Variants in NRXN3 observed in about 807,000 individuals in gnomAD.
NRXN3 encodes neurexin 3, also known as neurexin III.
In NRXN3, 32 loss-of-function variants were observed where a neutral mutation model predicts 137.6. That is an observed-to-expected ratio of 0.23 (90% CI 0.18 to 0.31). The LOEUF (loss-of-function observed/expected upper bound fraction) is 0.31, where lower values mean the gene tolerates loss of function less well. Among genes scored for constraint, NRXN3 ranks in the 10% least tolerant of loss-of-function variants. The probability of loss-of-function intolerance (pLI) is 1.00; values close to 1 mark genes in which losing one functional copy is unlikely to be tolerated. For missense variants in NRXN3, 1,574 were observed against 2,062.5 expected (o/e 0.76, Z 4.59); for synonymous variants, 798 against 784.5 (o/e 1.02, Z -0.29).
chr14:78,928,759 C>T (rs1418521056), intron 10 of NRXN3, among the ~76,000 whole-genome samples: 1 of 152,130 alleles, frequency 6.6e-6, no homozygotes, highest in Non-Finnish European at 1.5e-5. Context: ...CCTCAATAAA[C>T]ATACGTGTGC....
intron 15 of NRXN3, among the ~76,000 whole-genome samples, chr14:79,311,587 T>C (rs2087309900): frequency 8.1e-6 from 1 of 122,840 alleles, no homozygotes; most frequent in African/African-American, 3.0e-5. Flanking sequence ...GTTGGTAAAC[T>C]ATTGATTATT....
At position 79,710,932 on chromosome 14, in the gene NRXN3, C is replaced by A. The variant is rs146252522; in HGVS notation, c.4014+12995C>A. Among the ~76,000 whole-genome samples, 32 of 152,286 alleles carry A rather than the reference C, an allele frequency of 2.1e-4. No homozygotes were observed. In the East Asian group the frequency reaches 5.2e-3, roughly 25 times the overall value. ...TTCTTAAATATTTTCAGACTACAAG[C>A]GGACTCACTTGCAGCCCAGTTTTTT... On this transcript the variant is annotated intron_variant, in intron 19 of 20. Coordinates refer to ENST00000335750, the MANE Select transcript of NRXN3 (RefSeq NM_001330195.2).
chr14:78,354,087 A>G (rs547640276), intron 4 of NRXN3, among the ~76,000 whole-genome samples: 44 of 152,344 alleles, frequency 2.9e-4, no homozygotes, highest in African/African-American at 9.9e-4. Context: ...GCCGTCTAAT[A>G]GATTTGCCCA....
intron 8 of NRXN3, among the ~76,000 whole-genome samples, chr14:78,770,949 G>C (rs1208653349): frequency 6.6e-6 from 1 of 152,168 alleles, no homozygotes. Flanking sequence ...GAGGTAACAC[G>C]TATGAAAGGA....
At chr14:79,161,179 G>T (rs1362443381) in intron 15 of NRXN3, among the ~76,000 whole-genome samples, 1 of 151,826 alleles carries the variant, frequency 6.6e-6, no homozygotes, top group Non-Finnish European at 1.5e-5. Context: ...ACCATAATTT[G>T]CCTTGAAGGT....
intron 15 of NRXN3, among the ~76,000 whole-genome samples, chr14:78,994,146 G>C (rs143176756): frequency 2.0e-3 from 302 of 152,052 alleles, no homozygotes; most frequent in Non-Finnish European, 3.4e-3. Flanking sequence ...GAGCCACTGC[G>C]CCTGGCTGCC....
chr14:79,141,705 G>T (rs2058801281), intron 15 of NRXN3, among the ~76,000 whole-genome samples: 1 of 152,186 alleles, frequency 6.6e-6, no homozygotes, highest in Non-Finnish European at 1.5e-5. Context: ...AAATAAAGGA[G>T]ATACCACTTC....
intron 15 of NRXN3, among the ~76,000 whole-genome samples, chr14:79,130,780 A>G (rs1447636811): frequency 6.6e-6 from 1 of 152,130 alleles, no homozygotes; most frequent in East Asian, 1.9e-4. Flanking sequence ...GTGTTTTCCA[A>G]CTTGGTTCCA....
intron 9 of NRXN3, among the ~76,000 whole-genome samples, chr14:78,809,728 G>A (rs771994883): frequency 5.5e-4 from 84 of 152,260 alleles, no homozygotes; most frequent in Non-Finnish European, 9.4e-4. Flanking sequence ...GGAGAGGGTG[G>A]AGGGAGTTTG....
intron 9 of NRXN3, among the ~76,000 whole-genome samples, chr14:78,807,511 G>A (rs564313682): frequency 9.9e-5 from 15 of 152,062 alleles, no homozygotes; most frequent in African/African-American, 2.9e-4. Flanking sequence ...TTGGGAGGCC[G>A]AGGCAGCCCA....
At chr14:79,526,402 C>G (rs1257326175) in intron 16 of NRXN3, among the ~76,000 whole-genome samples, 1 of 152,064 alleles carries the variant, frequency 6.6e-6, no homozygotes, top group African/African-American at 2.4e-5. Context: ...GATATATTGC[C>G]CAGCCTGGTC....
At chr14:79,368,625 C>T (rs2093983509) in intron 15 of NRXN3, among the ~76,000 whole-genome samples, 2 of 152,092 alleles carry the variant, frequency 1.3e-5, no homozygotes, top group South Asian at 4.1e-4. Flanking sequence ...TGTACTCTAC[C>T]TCTGCCACCT....
chr14:79,026,134 C>G (rs2099597642), intron 15 of NRXN3, among the ~76,000 whole-genome samples: 1 of 152,058 alleles, frequency 6.6e-6, no homozygotes, highest in Non-Finnish European at 1.5e-5. Context: ...TGCTCAAGAA[C>G]TGATCTTAAG....
At chr14:79,852,648 T>C (rs924970940) in intron 20 of NRXN3, among the ~76,000 whole-genome samples, 1 of 141,302 alleles carries the variant, frequency 7.1e-6, no homozygotes, top group Non-Finnish European at 1.6e-5. Flanking sequence ...TTAAAGAAAA[T>C]GCACAATCTG....
intron 15 of NRXN3, among the ~76,000 whole-genome samples, chr14:79,119,827 A>G (rs1435996406): frequency 6.6e-6 from 1 of 152,154 alleles, no homozygotes; most frequent in Non-Finnish European, 1.5e-5. Context: ...CAATAGTAAC[A>G]TGGCCATGCC....
chr14:79,592,009 C>T (rs1272920303), intron 16 of NRXN3, among the ~76,000 whole-genome samples: 2 of 152,132 alleles, frequency 1.3e-5, no homozygotes, highest in African/African-American at 2.4e-5. Flanking sequence ...TTGTGGACTC[C>T]ATCCACATCC....
intron 8 of NRXN3, among the ~76,000 whole-genome samples, chr14:78,759,404 A>G (rs1372682239): frequency 6.6e-6 from 1 of 152,210 alleles, no homozygotes; most frequent in East Asian, 1.9e-4. Flanking sequence ...ATTTTTGCAA[A>G]TGAGGACACT....
At chr14:79,067,909 A>C (rs4903820) in intron 15 of NRXN3, among the ~76,000 whole-genome samples, 89,628 of 151,838 alleles carry the variant, frequency 0.59, 27,173 homozygotes, top group East Asian at 0.81. Context: ...AGACTTGATA[A>C]TTGTAGCTCT....
chr14:79,033,925 T>C (rs2099611802), intron 15 of NRXN3, among the ~76,000 whole-genome samples: 1 of 152,146 alleles, frequency 6.6e-6, no homozygotes, highest in South Asian at 2.1e-4. Flanking sequence ...TATTAGAACC[T>C]GTCTCCATAT....
Sources: allele counts gnomAD v4.1 joint callset (sites outside exome capture counted in the v4.1 genomes callset), GRCh38; gene constraint gnomAD v4.1.1; transcripts MANE v1.5; gene names NCBI Gene and HGNC (gene_info 2026-07-23, HGNC 2026-07-21).